NRXN3: variants seen among roughly 807,000 people sequenced by gnomAD.
NRXN3 encodes the protein neurexin III.
A neutral mutation model predicts 137.6 loss-of-function variants in NRXN3; 32 were observed. That is an observed-to-expected ratio of 0.23 (90% CI 0.18 to 0.31). The LOEUF (loss-of-function observed/expected upper bound fraction) is 0.31. Among genes scored for constraint, NRXN3 ranks in the 10% least tolerant of loss-of-function variants. The probability of loss-of-function intolerance (pLI) is 1.00; values close to 1 mark genes in which losing one functional copy is unlikely to be tolerated. For synonymous variants in NRXN3, 798 were observed against 784.5 expected, an observed-to-expected ratio of 1.02 and a Z score of -0.29; for missense variants, 1,574 against 2,062.5, an observed-to-expected ratio of 0.76 and a Z score of 4.59.
intron 1 of NRXN3, among the ~76,000 whole-genome samples, chr14:78,174,601 A>T (rs1259645432): frequency 6.6e-6 from 1 of 152,206 alleles, no homozygotes. Flanking sequence ...TGGTTCAAGC[A>T]GGAGGCTGCC....
chr14:78,393,911 A>G (rs1173887572), intron 4 of NRXN3, among the ~76,000 whole-genome samples: 1 of 152,024 alleles, frequency 6.6e-6, no homozygotes, highest in East Asian at 1.9e-4. Context: ...TTGTTCATAT[A>G]GAGGAATACA....
chr14:78,311,735 C>CT lies in NRXN3; in HGVS notation c.757+13885dup, dbSNP rs59691247. ...CTTAGGTTTTTGATAGATGTGTCTG[C>CT]TTTTTTTTTTGTGCACACAAAGAGC... On this transcript the variant is annotated intron_variant, in intron 4 of 20. Coordinates refer to ENST00000335750, the MANE Select transcript of NRXN3 (RefSeq NM_001330195.2). Among the ~76,000 whole-genome samples, 149 of 147,940 alleles carry CT rather than the reference C, an allele frequency of 1.0e-3. 3 individuals carry two copies. Among genetic ancestry groups the CT allele is most frequent in the Middle Eastern group, 3.4e-3 (1 of 294 alleles).
At chr14:79,201,870 TACA>T (rs951130251) in intron 15 of NRXN3, among the ~76,000 whole-genome samples, 1 of 152,234 alleles carries the variant, frequency 6.6e-6, no homozygotes, top group African/African-American at 2.4e-5. Context: ...TTTTAATTTT[TACA>T]ACAACTCATT....
At chr14:78,418,927 A>G (rs144846380) in intron 4 of NRXN3, among the ~76,000 whole-genome samples, 1 of 152,318 alleles carries the variant, frequency 6.6e-6, no homozygotes, top group East Asian at 1.9e-4. Context: ...AACTTAATCT[A>G]ACACAGCACT....
Position 79,861,157 on chromosome 14 carries a change from G to T in NRXN3, c.4094-185G>T. ...TTCGCCCCCTCCTCACCATTATTGAGACCACCAAAGATTCCCTGTCCATGA... is the reference window on the plus strand; with the variant it reads ...TTCGCCCCCTCCTCACCATTATTGATACCACCAAAGATTCCCTGTCCATGA... On this transcript the variant is annotated intron_variant, in intron 20 of 20. Transcript: ENST00000335750. The surrounding 1 kb of genome is among the most constrained non-coding windows in gnomAD (Gnocchi z 5.4). 1 of 1,525,984 alleles carries T rather than the reference G, an allele frequency of 6.6e-7. No homozygotes were observed. The highest frequency in any genetic ancestry group is 8.7e-7 in the Non-Finnish European group (1 of 1,142,906). The allele number at this position is 1,525,984 out of a possible 1,614,324, so 94.5% of individuals were successfully genotyped here.
chr14:78,535,391 A>T (rs1320514929), intron 4 of NRXN3, among the ~76,000 whole-genome samples: 1 of 152,244 alleles, frequency 6.6e-6, no homozygotes, highest in Non-Finnish European at 1.5e-5. Flanking sequence ...TCTTAGGATT[A>T]TGCAGTAAAA....
At chr14:78,889,390 A>T (rs2099152802) in intron 10 of NRXN3, among the ~76,000 whole-genome samples, 1 of 151,820 alleles carries the variant, frequency 6.6e-6, no homozygotes, top group African/African-American at 2.4e-5. Context: ...TTGGTGTGTG[A>T]TTTGAGTTTG....
chr14:78,523,899 G>A (rs148129458), intron 4 of NRXN3, among the ~76,000 whole-genome samples: 31 of 150,340 alleles, frequency 2.1e-4, no homozygotes, highest in African/African-American at 7.4e-4. Flanking sequence ...ATGTGGGTCT[G>A]CTTCCTGAAC....
At chr14:78,781,067 A>G (rs1328438611) in intron 8 of NRXN3, among the ~76,000 whole-genome samples, 1 of 152,222 alleles carries the variant, frequency 6.6e-6, no homozygotes, top group Non-Finnish European at 1.5e-5. Flanking sequence ...TCTATATAAT[A>G]TAATAACATC....
Position 79,101,458 on chromosome 14 carries a change from G to A in NRXN3, c.3262+113317G>A, listed in dbSNP as rs568619335. Among the ~76,000 whole-genome samples the A allele has an allele frequency of 3.5e-4, 54 of 152,322 alleles. No individual in the cohort carries two copies. The South Asian group carries it at 0.011, about 30-fold the overall frequency. ...CACGACAGAAAAACGTCGGGATGAG[G>A]ATGGTTCTTCAGTCATGGTGGAGAC... On this transcript the variant is annotated intron_variant, in intron 15 of 20. Transcript: ENST00000335750.
intron 15 of NRXN3, among the ~76,000 whole-genome samples, chr14:78,995,263 A>G (rs2099527575): frequency 6.6e-6 from 1 of 152,226 alleles, no homozygotes; most frequent in Non-Finnish European, 1.5e-5. Context: ...GCCATTTAGA[A>G]TTAAAATGTC....
intron 4 of NRXN3, among the ~76,000 whole-genome samples, chr14:78,594,360 A>G (rs1246474291): frequency 6.6e-6 from 1 of 152,148 alleles, no homozygotes; most frequent in African/African-American, 2.4e-5. Flanking sequence ...CTGAGTTGTC[A>G]TGTCTGTTCT....
chr14:78,633,934 AAGG>A (rs1237203179), intron 4 of NRXN3, among the ~76,000 whole-genome samples: 1 of 152,220 alleles, frequency 6.6e-6, no homozygotes, highest in Non-Finnish European at 1.5e-5. Context: ...AGTGCTAACA[AAGG>A]AGGAGCTGGG....
chr14:78,444,121 T>A (rs2094342944), intron 4 of NRXN3, among the ~76,000 whole-genome samples: 2 of 152,226 alleles, frequency 1.3e-5, no homozygotes, highest in Non-Finnish European at 2.9e-5. Flanking sequence ...GGCACTCATT[T>A]TCCCACTTTA....
At chr14:78,937,059 A>G (rs1420091087) in intron 10 of NRXN3, among the ~76,000 whole-genome samples, 1 of 152,008 alleles carries the variant, frequency 6.6e-6, no homozygotes, top group Non-Finnish European at 1.5e-5. Context: ...CGTCTTTACT[A>G]AAAATACAAA....
At chr14:78,593,939 A>G (rs34842635) in intron 4 of NRXN3, among the ~76,000 whole-genome samples, 3,434 of 152,274 alleles carry the variant, frequency 0.023, 44 homozygotes, top group Non-Finnish European at 0.025. Context: ...ATTCATGTGC[A>G]TGATATGGAA....
At chr14:79,684,056 G>A (rs1043589781) in intron 17 of NRXN3, among the ~76,000 whole-genome samples, 1 of 152,076 alleles carries the variant, frequency 6.6e-6, no homozygotes, top group Non-Finnish European at 1.5e-5. Flanking sequence ...TTCCTATTCA[G>A]GGACTAGAAT....
intron 15 of NRXN3, among the ~76,000 whole-genome samples, chr14:79,387,079 A>C (rs2094648820): frequency 6.6e-6 from 1 of 152,122 alleles, no homozygotes; most frequent in Admixed American, 6.5e-5. Flanking sequence ...AAGCAATGGC[A>C]ACAAAAGACA....
chr14:79,079,113 C>G (rs1269410019), intron 15 of NRXN3, among the ~76,000 whole-genome samples: 1 of 152,196 alleles, frequency 6.6e-6, no homozygotes, highest in East Asian at 1.9e-4. Flanking sequence ...TCCTGGCACT[C>G]TTCTGATTCC....
Sources: gnomAD v4.1 joint callset for allele counts (sites outside exome capture counted in the v4.1 genomes callset) on GRCh38, gnomAD v4.1.1 for gene constraint, Gnocchi (gnomAD v3.1) non-coding constraint, MANE v1.5 for transcripts, NCBI Gene and HGNC (gene_info 2026-07-23, HGNC 2026-07-21) for gene names.